The following PECAM1 variants were observed in gnomAD, a reference collection of about 807,000 sequenced individuals.
PECAM1 encodes platelet and endothelial cell adhesion molecule 1.
Under a neutral mutation model 13.8 loss-of-function variants are expected in PECAM1, and 8 were observed. That is an observed-to-expected ratio of 0.58 (90% CI 0.34 to 1.05). PECAM1 has a LOEUF of 1.05. PECAM1 is among the 50% of genes least tolerant of loss of function. PECAM1 has a pLI of 0.03. For synonymous variants in PECAM1, 136 were observed against 52.6 expected, an observed-to-expected ratio of 2.58 and a Z score of -6.86; for missense variants, 304 against 141.2, an observed-to-expected ratio of 2.15 and a Z score of -5.84.
At chr17:64,328,134 G>C (rs1478099729) in intron 15 of PECAM1, among the ~76,000 whole-genome samples, 1 of 152,166 alleles carries the variant, frequency 6.6e-6, no homozygotes, top group Non-Finnish European at 1.5e-5. Flanking sequence ...CCAGCTTCTG[G>C]GTAAAGTTCT....
At chr17:64,369,520 C>T (rs930706250) in intron 5 of PECAM1, among the ~76,000 whole-genome samples, 42 of 152,178 alleles carry the variant, frequency 2.8e-4, no homozygotes, top group Non-Finnish European at 5.6e-4. Flanking sequence ...AAGCAGTGAG[C>T]GGCAGGGTTG....
chr17:64,350,855 G>A (rs1051221102), intron 11 of PECAM1, among the ~76,000 whole-genome samples: 5 of 151,764 alleles, frequency 3.3e-5, no homozygotes, highest in Admixed American at 1.3e-4. Context: ...GAACTACCAT[G>A]CCTGGCCTGA....
chr17:64,322,163 A>C lies in PECAM1; in HGVS notation c.*1653T>G. On this transcript the variant is annotated 3_prime_UTR_variant, in exon 16 of 16. Transcript: ENST00000563924. ...GCACACATGAGGACAAGGCGGGCAG[A>C]TCACCAAAGGTCAGGCATTCGAGAT... 1 of 824,066 alleles carries C rather than the reference A, an allele frequency of 1.2e-6. No homozygotes were observed. Among genetic ancestry groups the C allele is most frequent in the Admixed American group, 5.7e-5 (1 of 17,462 alleles). 51.0% of individuals were successfully genotyped at this position (824,066 alleles called of 1,614,324 possible). A position where few individuals can be genotyped will look rare whatever the true frequency, so the allele number is the denominator to read the frequency against.
intron 2 of PECAM1, among the ~76,000 whole-genome samples, chr17:64,381,810 C>A (rs1428255999): frequency 6.6e-6 from 1 of 152,154 alleles, no homozygotes; most frequent in African/African-American, 2.4e-5. Context: ...ACACAACTTT[C>A]TTTGGACCAG....
At chr17:64,368,336 A>T (rs1339073511) in intron 5 of PECAM1, among the ~76,000 whole-genome samples, 9 of 152,176 alleles carry the variant, frequency 5.9e-5, no homozygotes, top group African/African-American at 2.2e-4. Context: ...AGTACTTTAG[A>T]GGGAAATAAA....
At chr17:64,328,138 A>C (rs1362832667) in intron 15 of PECAM1, among the ~76,000 whole-genome samples, 6 of 152,174 alleles carry the variant, frequency 3.9e-5, no homozygotes, top group African/African-American at 1.4e-4. Flanking sequence ...CTTCTGGGTA[A>C]AGTTCTGTCT....
intron 9 of PECAM1, among the ~76,000 whole-genome samples, chr17:64,354,282 A>T (rs910250231): frequency 2.0e-5 from 3 of 152,106 alleles, no homozygotes; most frequent in Non-Finnish European, 2.9e-5. Flanking sequence ...GTAAAGGCGA[A>T]ATCAATCCCT....
chr17:64,368,290 A>C (rs924187892), intron 5 of PECAM1, among the ~76,000 whole-genome samples: 3 of 152,186 alleles, frequency 2.0e-5, no homozygotes, highest in African/African-American at 4.8e-5. Context: ...GCATACACAT[A>C]ATAAACAAGA....
At chr17:64,378,230 C>A (rs1449514508) in intron 2 of PECAM1, 113 bp from the exon 3 acceptor site, 5 of 400,638 alleles carry the variant, frequency 1.2e-5, no homozygotes, top group Non-Finnish European at 2.2e-5. Flanking sequence ...AGTATTGAGT[C>A]CAGGGGTTCT....
At chr17:64,374,987 T>A (rs2036324911) in intron 4 of PECAM1, 64 bp downstream of exon 4, 1 of 448,956 alleles carries the variant, frequency 2.2e-6, no homozygotes, top group South Asian at 8.5e-5. Context: ...CAGTTCTGGG[T>A]TCTTTCTCCC....
intron 2 of PECAM1, among the ~76,000 whole-genome samples, chr17:64,387,414 G>T (rs1327017993): frequency 6.6e-6 from 1 of 151,934 alleles, no homozygotes; most frequent in Non-Finnish European, 1.5e-5. Flanking sequence ...CAGATAGGGG[G>T]ACACCAGATA....
Position 64,352,410 on chromosome 17 carries a change from A to T in PECAM1, c.1970T>A (p.Met657Lys). ...SNNEKMSDPN[M>K]EANSHYGHND... ...TTTACCGTAATGACTGTTAGCTTCC[A>T]TATTGGGATCTGACATTTTCTCGTT... The change falls in exon 11 of 16, where the codon ATG becomes AAG. Residue 657 changes from methionine (M) to lysine (K), a missense_variant. Met to Lys is a moderately conservative substitution (Grantham distance 95, BLOSUM62 -1). Transcript: ENST00000563924. 4.2e-6 allele frequency: 2 copies of T among 475,268 alleles called. No homozygotes were observed. The highest frequency in any genetic ancestry group is 3.9e-6 in the Non-Finnish European group (1 of 259,012). The allele number at this position is 475,268 out of a possible 1,614,324, so 29.4% of individuals were successfully genotyped here.
At chr17:64,366,589 G>T (rs1247211464) in intron 5 of PECAM1, among the ~76,000 whole-genome samples, 1 of 151,982 alleles carries the variant, frequency 6.6e-6, no homozygotes, top group Non-Finnish European at 1.5e-5. Context: ...GTCCAACAAT[G>T]ATAGACCAGA....
intron 14 of PECAM1, among the ~76,000 whole-genome samples, chr17:64,335,424 A>C (rs8072145): frequency 0.31 from 46,492 of 151,946 alleles, 7,200 homozygotes; most frequent in African/African-American, 0.35. Flanking sequence ...AGTAGACAAA[A>C]GTTCTCCAAT....
chr17:64,354,565 G>C (rs1323871906), intron 9 of PECAM1, among the ~76,000 whole-genome samples: 1 of 152,174 alleles, frequency 6.6e-6, no homozygotes, highest in Non-Finnish European at 1.5e-5. Context: ...GCTCAGCCGG[G>C]CTTACTTAGC....
At chr17:64,381,172 G>A (rs1284967694) in intron 2 of PECAM1, among the ~76,000 whole-genome samples, 6 of 152,140 alleles carry the variant, frequency 3.9e-5, no homozygotes, top group African/African-American at 1.4e-4. Context: ...TTCACAAAGT[G>A]TTCCAACAGC....
chr17:64,378,371 G>A (rs2036409803), intron 2 of PECAM1, among the ~76,000 whole-genome samples: 1 of 152,192 alleles, frequency 6.6e-6, no homozygotes, highest in South Asian at 2.1e-4. Flanking sequence ...GCTAGGTATG[G>A]TGGCTCACGC....
At chr17:64,340,483 G>A (rs1249244605) in intron 14 of PECAM1, among the ~76,000 whole-genome samples, 1 of 152,084 alleles carries the variant, frequency 6.6e-6, no homozygotes, top group African/African-American at 2.4e-5. Context: ...TGTACAAAGC[G>A]AGATACTCAC....
At chr17:64,379,682 T>G (rs2036438907) in intron 2 of PECAM1, among the ~76,000 whole-genome samples, 1 of 152,164 alleles carries the variant, frequency 6.6e-6, no homozygotes, top group African/African-American at 2.4e-5. Context: ...TCCAAATTCC[T>G]GTCAGAAAAC....
Sources: gnomAD v4.1 joint callset for allele counts (sites outside exome capture counted in the v4.1 genomes callset) on GRCh38, gnomAD v4.1.1 for gene constraint, MANE v1.5 for transcripts, NCBI Gene and HGNC (gene_info 2026-07-23, HGNC 2026-07-21) for gene names.